The following ERC2 variants were observed in gnomAD, a reference collection of about 807,000 sequenced individuals.
ERC2 encodes the protein ELKS/RAB6-interacting/CAST family member 2, also known as ERC protein 2.
In ERC2, 42 loss-of-function variants were observed where a neutral mutation model predicts 114.8. The observed-to-expected ratio is 0.37, with a 90% CI of 0.29 to 0.47. The LOEUF is 0.47. ERC2 is among the 20% of genes least tolerant of loss of function. ERC2 has a pLI of 0.99. For missense variants in ERC2, 939 were observed against 1,150.7 expected (o/e 0.82, Z 2.66); for synonymous variants, 454 against 425.5 (o/e 1.07, Z -0.82).
chr3:55,640,991 G>A (rs923431713), intron 17 of ERC2, among the ~76,000 whole-genome samples: 21 of 152,198 alleles, frequency 1.4e-4, no homozygotes, highest in Admixed American at 8.5e-4. Flanking sequence ...CGCGACAAAA[G>A]TTGATACAAT....
chr3:55,785,214 AG>A (rs1192077867), intron 14 of ERC2, among the ~76,000 whole-genome samples: 23 of 152,360 alleles, frequency 1.5e-4, no homozygotes, highest in African/African-American at 5.0e-4. Context: ...AAATAGGTCC[AG>A]ATCAGAAGTC....
intron 17 of ERC2, among the ~76,000 whole-genome samples, chr3:55,662,882 T>C (rs945579486): frequency 1.3e-5 from 2 of 152,200 alleles, no homozygotes; most frequent in Non-Finnish European, 2.9e-5. Context: ...ATTGCTACAG[T>C]AGAGCCAAGT....
chr3:56,447,994 C>T (rs756084854), intron 1 of ERC2, among the ~76,000 whole-genome samples: 1 of 152,090 alleles, frequency 6.6e-6, no homozygotes, highest in African/African-American at 2.4e-5. Flanking sequence ...CCACCCGCCT[C>T]GGCCTCCCAA....
intron 17 of ERC2, among the ~76,000 whole-genome samples, chr3:55,534,659 G>A (rs1222746190): frequency 1.3e-5 from 2 of 152,106 alleles, no homozygotes; most frequent in Non-Finnish European, 2.9e-5. Context: ...TTACGTCACT[G>A]CACTCCAGCC....
At chr3:55,911,271 G>C (rs2064791478) in intron 13 of ERC2, among the ~76,000 whole-genome samples, 1 of 152,174 alleles carries the variant, frequency 6.6e-6, no homozygotes, top group African/African-American at 2.4e-5. Context: ...CTAAAATCTA[G>C]AAGGCTTCAA....
chr3:56,260,876 T>C (rs1405190862), intron 3 of ERC2, among the ~76,000 whole-genome samples: 1 of 152,248 alleles, frequency 6.6e-6, no homozygotes, highest in Non-Finnish European at 1.5e-5. Context: ...TTTAGTGGCA[T>C]GGTCTACCAT....
chr3:55,897,930 C>T (rs12108171), intron 13 of ERC2, among the ~76,000 whole-genome samples: 7 of 152,206 alleles, frequency 4.6e-5, no homozygotes, highest in Non-Finnish European at 1.0e-4. Context: ...CATCAAGGAG[C>T]TTTGCTTACA....
intron 5 of ERC2, among the ~76,000 whole-genome samples, chr3:56,143,913 A>C (rs1263542849): frequency 6.6e-6 from 1 of 152,214 alleles, no homozygotes; most frequent in Non-Finnish European, 1.5e-5. Context: ...CAGGAGTGAG[A>C]CTCCCATGTT....
At chr3:56,455,526 G>C (rs2063023695) in intron 1 of ERC2, among the ~76,000 whole-genome samples, 1 of 152,058 alleles carries the variant, frequency 6.6e-6, no homozygotes, top group African/African-American at 2.4e-5. Flanking sequence ...TGCTTCTGTG[G>C]GAAAGTCAAC....
At chr3:55,810,175 C>CT (rs1275658840) in intron 14 of ERC2, among the ~76,000 whole-genome samples, 1 of 151,532 alleles carries the variant, frequency 6.6e-6, no homozygotes. Flanking sequence ...CCTTTTTTTT[C>CT]TTTTTTGGTT....
In ERC2 at chr3:56,434,367, G is replaced by T; in HGVS notation, c.641C>A (p.Ser214Tyr). Residue 214 changes from serine to tyrosine, a missense_variant, in exon 2 of 18, where the codon TCC becomes TAC. Ser to Tyr is a moderately radical substitution (Grantham distance 144). Coordinates refer to ENST00000288221, the MANE Select transcript of ERC2 (RefSeq NM_015576.3). Reference sequence around the variant, plus strand: ...ATGACCTACCTGATTTTCTTCATGGGAAACCCTCATCTGCTCCTTGAGGAC... The same window carrying T: ...ATGACCTACCTGATTTTCTTCATGGTAAACCCTCATCTGCTCCTTGAGGAC... ...MSVLKEQMRV[S>Y]HEENQHLQLT... The T allele has an allele frequency of 6.2e-7, 1 of 1,613,398 alleles. No individual in the cohort carries two copies.
chr3:56,378,566 TATAATA>T (rs1251105067), intron 2 of ERC2, among the ~76,000 whole-genome samples: 1 of 120,548 alleles, frequency 8.3e-6, no homozygotes, highest in Non-Finnish European at 1.8e-5. Context: ...AAACTTAAAG[TATAATA>T]AAAAAAAAAA....
At chr3:55,900,962 A>C (rs1308203012) in intron 13 of ERC2, among the ~76,000 whole-genome samples, 1 of 152,222 alleles carries the variant, frequency 6.6e-6, no homozygotes, top group Non-Finnish European at 1.5e-5. Context: ...TTTACTTTTT[A>C]CCAGGATGTA....
intron 17 of ERC2, among the ~76,000 whole-genome samples, chr3:55,523,582 A>C (rs1575464714): frequency 1.3e-5 from 2 of 151,812 alleles, no homozygotes; most frequent in Admixed American, 1.3e-4. Flanking sequence ...CTCTCCCCAT[A>C]TGCACTCCTG....
At chr3:55,671,465 G>T (rs1228342496) in intron 17 of ERC2, among the ~76,000 whole-genome samples, 2 of 152,286 alleles carry the variant, frequency 1.3e-5, no homozygotes, top group Middle Eastern at 3.4e-3. Flanking sequence ...TGGGACAGTG[G>T]TGGGCACGTG....
At chr3:55,967,457 C>A (rs1480604993) in intron 12 of ERC2, among the ~76,000 whole-genome samples, 1 of 152,168 alleles carries the variant, frequency 6.6e-6, no homozygotes, top group African/African-American at 2.4e-5. Flanking sequence ...ATTCTGATTA[C>A]TATTAGGCCC....
chr3:55,780,372 T>C (rs909221724), intron 14 of ERC2, among the ~76,000 whole-genome samples: 1 of 152,150 alleles, frequency 6.6e-6, no homozygotes, highest in African/African-American at 2.4e-5. Flanking sequence ...TGTGTCAGGT[T>C]AAAAATTCAC....
At chr3:56,457,583 T>C (rs2063120615) in intron 1 of ERC2, among the ~76,000 whole-genome samples, 2 of 151,988 alleles carry the variant, frequency 1.3e-5, no homozygotes, top group Non-Finnish European at 2.9e-5. Context: ...ACTTGAAATC[T>C]CTTGAAGTTT....
At chr3:56,281,255 G>A (rs1231085274) in intron 3 of ERC2, among the ~76,000 whole-genome samples, 3 of 151,190 alleles carry the variant, frequency 2.0e-5, no homozygotes, top group Non-Finnish European at 2.9e-5. Context: ...GGCTAAAACG[G>A]TGAAACCCCG....
Sources: allele counts gnomAD v4.1 joint callset (sites outside exome capture counted in the v4.1 genomes callset), GRCh38; gene constraint gnomAD v4.1.1; transcripts MANE v1.5; gene names NCBI Gene and HGNC (gene_info 2026-07-23, HGNC 2026-07-21).